The following ADRA1B variants were observed in gnomAD, a reference collection of about 807,000 sequenced individuals.
ADRA1B encodes alpha-1B adrenergic receptor.
Under a neutral mutation model 17.9 loss-of-function variants are expected in ADRA1B, and 17 were observed. The ratio of observed to expected loss-of-function variants is 0.95; its 90% CI spans 0.65 to 1.42. The LOEUF (loss-of-function observed/expected upper bound fraction) is 1.42, where lower values mean the gene tolerates loss of function less well. ADRA1B is among the 40% of genes most tolerant of loss of function. The pLI is 0.00. For missense variants in ADRA1B, 681 were observed against 722.1 expected (o/e 0.94, Z 0.65); for synonymous variants, 366 against 327.6 (o/e 1.12, Z -1.27).
intron 1 of ADRA1B, among the ~76,000 whole-genome samples, chr5:159,924,485 A>G (rs1430362314): frequency 1.3e-5 from 2 of 152,184 alleles, no homozygotes; most frequent in African/African-American, 4.8e-5. Flanking sequence ...TGACGGCAAG[A>G]AAGAAGGAAG....
Position 159,916,820 on chromosome 5 carries a change from A to G in ADRA1B, c.-86A>G. 1 of 1,354,606 alleles carries G rather than the reference A, an allele frequency of 7.4e-7. No individual in the cohort carries two copies. Among genetic ancestry groups the G allele is most frequent in the Non-Finnish European group, 1.0e-6 (1 of 995,634 alleles). The allele number at this position is 1,354,606 out of a possible 1,614,324, so 83.9% of individuals were successfully genotyped here. A position where few individuals can be genotyped will look rare whatever the true frequency, so the allele number is the denominator to read the frequency against. On this transcript the variant is annotated 5_prime_UTR_variant, in exon 1 of 2. Coordinates refer to ENST00000306675, the MANE Select transcript of ADRA1B (RefSeq NM_000679.4). ...CCTCTGGGAAGAAGACCACGGGGGA[A>G]GCAAAGTTTCAGGGCAGCTGAGGAG...
At chr5:159,950,955 C>T in intron 1 of ADRA1B, 1 of 582,068 alleles carries the variant, frequency 1.7e-6, no homozygotes, top group Non-Finnish European at 3.3e-6. Context: ...TTCTGGGTGG[C>T]AGTGATGGCG....
In ADRA1B at chr5:159,952,299, G is replaced by A. The variant is rs74295152; in HGVS notation, c.950-19580G>A. ...AATTTATAAATTAGGCACAGTATGA[G>A]GTTAAGAATAATAATAATAAAATAG... On this transcript the variant is annotated intron_variant, in intron 1 of 1. Transcript: ENST00000306675. 1.6e-3 allele frequency among the ~76,000 whole-genome samples: 246 copies of A among 152,156 alleles called. 1 individual carries two copies. The East Asian group carries it at 0.025, about 16-fold the overall frequency.
intron 1 of ADRA1B, among the ~76,000 whole-genome samples, chr5:159,944,928 C>G (rs1022011255): frequency 1.3e-5 from 2 of 151,926 alleles, no homozygotes; most frequent in African/African-American, 4.8e-5. Flanking sequence ...TGGGCATGGA[C>G]AAATCGTACA....
rs542410229 is a variant in ADRA1B, at chr5:159,917,475, C to T, written c.570C>T (p.Asn190=). The T allele has an allele frequency of 1.9e-6, 3 of 1,614,122 alleles. No homozygotes were observed. Among genetic ancestry groups the T allele is most frequent in the South Asian group, 1.1e-5 (1 of 91,066 alleles). ...PLLGWKEPAP[N]DDKECGVTEE... ...TTGGGTGGAAGGAGCCGGCACCCAA[C>T]GATGACAAGGAGTGCGGGGTCACCG... Residue 190 remains asparagine, a synonymous_variant, in exon 1 of 2, where the codon AAC becomes AAT. Coordinates refer to ENST00000306675, the MANE Select transcript of ADRA1B (RefSeq NM_000679.4).
chr5:159,883,932 G>C (rs1753894486), intron 1 of ADRA1B, among the ~76,000 whole-genome samples: 1 of 152,098 alleles, frequency 6.6e-6, no homozygotes, highest in Admixed American at 6.5e-5. Context: ...GAGGCAATAG[G>C]CTCATATATA....
intron 1 of ADRA1B, among the ~76,000 whole-genome samples, chr5:159,952,981 G>A (rs1755474754): frequency 6.6e-6 from 1 of 152,118 alleles, no homozygotes; most frequent in South Asian, 2.1e-4. Flanking sequence ...TTACACAGGG[G>A]GGATGCTATT....
chr5:159,888,457 T>C lies in ADRA1B; in HGVS notation c.-256+23251T>C, dbSNP rs73311435. 1,164 of 152,282 alleles carry C rather than the reference T, an allele frequency of 7.6e-3. 16 individuals are homozygous for C. Among genetic ancestry groups the C allele is most frequent in the African/African-American group, 0.026 (1,095 of 41,514 alleles). The allele number at this position is 152,282 out of a possible 1,614,324, so 9.4% of individuals were successfully genotyped here. Reference sequence around the variant, plus strand: ...ATGAAACCTATTTGGAATTGACAACTATGTTATAAATGTAAAGTATTTTAT... The same window carrying C: ...ATGAAACCTATTTGGAATTGACAACCATGTTATAAATGTAAAGTATTTTAT... On this transcript the variant is annotated intron_variant, in intron 1 of 2. Transcript: ENST00000641205.
chr5:159,954,429 G>A (rs1006910031), intron 1 of ADRA1B, among the ~76,000 whole-genome samples: 7 of 152,104 alleles, frequency 4.6e-5, no homozygotes, highest in Admixed American at 2.0e-4. Context: ...CTCCACCCTC[G>A]TGACCTAATT....
chr5:159,884,845 T>C (rs534554408), intron 1 of ADRA1B, among the ~76,000 whole-genome samples: 7 of 152,356 alleles, frequency 4.6e-5, no homozygotes, highest in Admixed American at 3.9e-4. Context: ...AGGCTTCCCA[T>C]ATGTACAACT....
At chr5:159,903,450 G>T (rs897851706) in intron 1 of ADRA1B, among the ~76,000 whole-genome samples, 1 of 152,158 alleles carries the variant, frequency 6.6e-6, no homozygotes, top group Non-Finnish European at 1.5e-5. Flanking sequence ...TACTATTTTT[G>T]TTATTAGTAG....
the ADRA1B span, among the ~76,000 whole-genome samples, chr5:159,981,837 C>T: frequency 4.6e-5 from 7 of 152,176 alleles, no homozygotes; most frequent in African/African-American, 7.2e-5. Flanking sequence ...GGGCTGGGCA[C>T]GGTGACTCAC....
chr5:159,984,192 TG>T, the ADRA1B span, among the ~76,000 whole-genome samples: 1 of 152,236 alleles, frequency 6.6e-6, no homozygotes, highest in Non-Finnish European at 1.5e-5. Flanking sequence ...CTTCACTCCC[TG>T]GTTACCTCCT....
At chr5:159,922,978 T>C (rs79416469) in intron 1 of ADRA1B, among the ~76,000 whole-genome samples, 4,706 of 152,120 alleles carry the variant, frequency 0.031, 23 homozygotes, top group Middle Eastern at 0.041. Context: ...TAGTACATCA[T>C]AGGTCCCTGA....
chr5:159,884,136 T>C (rs80339776), intron 1 of ADRA1B, among the ~76,000 whole-genome samples: 2,578 of 152,286 alleles, frequency 0.017, 65 homozygotes, highest in African/African-American at 0.059. Context: ...CAATTATGGA[T>C]GTAGACTTAA....
Position 159,917,609 on chromosome 5 carries a change from A to G in ADRA1B, c.704A>G (p.Lys235Arg). The change falls in exon 1 of 2, where the codon AAG (lysine) becomes AGG (arginine). Residue 235 changes from lysine (K) to arginine (R), a missense_variant. This residue lies in a region of ADRA1B where 424 missense variants were observed against 480.2 expected (regional missense o/e 0.88). Coordinates refer to ENST00000306675, the MANE Select transcript of ADRA1B (RefSeq NM_000679.4). ...RVYIVAKRTTKNLEAGVMKEM... is the reference protein window; with the variant it reads ...RVYIVAKRTTRNLEAGVMKEM... ...TATATAGTGGCCAAGAGAACCACCAAGAACCTAGAGGCAGGAGTCATGAAG... is the reference window on the plus strand; with the variant it reads ...TATATAGTGGCCAAGAGAACCACCAGGAACCTAGAGGCAGGAGTCATGAAG... 6.2e-7 allele frequency: 1 copy of G among 1,614,126 alleles called. No individual in the cohort carries two copies. The highest frequency in any genetic ancestry group is 8.5e-7 in the Non-Finnish European group (1 of 1,180,028).
the ADRA1B span, among the ~76,000 whole-genome samples, chr5:159,986,696 T>A: frequency 2.6e-5 from 4 of 152,216 alleles, no homozygotes; most frequent in African/African-American, 9.6e-5. Context: ...AGTTGGTCCA[T>A]GGACCAGATA....
At chr5:159,938,478 C>T (rs1268198993) in intron 1 of ADRA1B, among the ~76,000 whole-genome samples, 2 of 152,114 alleles carry the variant, frequency 1.3e-5, no homozygotes, top group African/African-American at 2.4e-5. Flanking sequence ...AAATCATTAG[C>T]GTAAGTGGAT....
At chr5:159,944,460 C>A (rs1265204744) in intron 1 of ADRA1B, among the ~76,000 whole-genome samples, 2 of 152,218 alleles carry the variant, frequency 1.3e-5, no homozygotes, top group Admixed American at 6.5e-5. Flanking sequence ...CAGAGAAAGG[C>A]TAACACTTAG....
Sources: gnomAD v4.1 joint callset for allele counts (sites outside exome capture counted in the v4.1 genomes callset) on GRCh38, gnomAD v4.1.1 for gene constraint, gnomAD v4.1.1 regional missense constraint, MANE v1.5 for transcripts, NCBI Gene and HGNC (gene_info 2026-07-23, HGNC 2026-07-21) for gene names.